SYCP1: variants seen among roughly 807,000 people sequenced by gnomAD.
SYCP1 encodes synaptonemal complex protein 1.
SYCP1 carries 64 observed loss-of-function variants against 153.1 expected under a neutral mutation model. The ratio of observed to expected loss-of-function variants is 0.42; its 90% CI spans 0.34 to 0.51. The LOEUF (loss-of-function observed/expected upper bound fraction) is 0.51, where lower values mean the gene tolerates loss of function less well. Ranked by LOEUF, SYCP1 falls within the 20% of genes least tolerant of loss-of-function variation. SYCP1 has a pLI of 0.06. For missense variants in SYCP1, 997 were observed against 1,049.0 expected, an observed-to-expected ratio of 0.95 and a Z score of 0.68; for synonymous variants, 384 against 341.8, an observed-to-expected ratio of 1.12 and a Z score of -1.36.
intron 14 of SYCP1, among the ~76,000 whole-genome samples, chr1:114,886,725 A>G (rs1231786613): frequency 6.6e-6 from 1 of 152,070 alleles, no homozygotes; most frequent in Non-Finnish European, 1.5e-5. Flanking sequence ...GGCATAGGTA[A>G]GTACTACTCT....
chr1:114,855,597 T>A, intron 2 of SYCP1, 25 bp downstream of exon 2: 2 of 1,540,262 alleles, frequency 1.3e-6, no homozygotes, highest in Non-Finnish European at 1.8e-6. Flanking sequence ...GACTCTTAAT[T>A]GGACTCTTCT....
intron 15 of SYCP1, among the ~76,000 whole-genome samples, chr1:114,889,366 T>C (rs1666538830): frequency 6.6e-6 from 1 of 152,340 alleles, no homozygotes; most frequent in African/African-American, 2.4e-5. Context: ...CAGCATCTGT[T>C]GTTTCCTGAC....
In SYCP1 at chr1:114,912,604, C is replaced by T. The variant is rs1668256046; in HGVS notation, c.1530-429C>T. Among the ~76,000 whole-genome samples, 3 of 151,700 alleles carry T rather than the reference C, an allele frequency of 2.0e-5. No homozygotes were observed. The South Asian group carries it at 6.2e-4, about 31-fold the overall frequency. On this transcript the variant is annotated intron_variant, in intron 18 of 31. Transcript: ENST00000369522. ...TTTTAGGGTACATGTGCACAACGTG[C>T]AGGTAAAAATATCTTAATTAAACAC...
intron 23 of SYCP1, among the ~76,000 whole-genome samples, chr1:114,937,476 T>A (rs1670097337): frequency 6.6e-6 from 1 of 152,294 alleles, no homozygotes; most frequent in South Asian, 2.1e-4. Flanking sequence ...ATTCAGGACA[T>A]AGGCATGGGC....
At chr1:114,891,263 C>T (rs541211705) in intron 15 of SYCP1, among the ~76,000 whole-genome samples, 18 of 152,246 alleles carry the variant, frequency 1.2e-4, no homozygotes, top group African/African-American at 4.1e-4. Flanking sequence ...GCCTGCTCTA[C>T]TCCTTGTATC....
At chr1:114,981,828 A>T (rs1673177128) in intron 29 of SYCP1, among the ~76,000 whole-genome samples, 2 of 151,992 alleles carry the variant, frequency 1.3e-5, no homozygotes, top group African/African-American at 4.8e-5. Context: ...ACTTAATGTC[A>T]TCTTGGGCAG....
At chr1:114,964,759 T>C (rs1672004877) in intron 27 of SYCP1, among the ~76,000 whole-genome samples, 1 of 152,238 alleles carries the variant, frequency 6.6e-6, no homozygotes, top group South Asian at 2.1e-4. Flanking sequence ...GCTGTTTTGG[T>C]TACTGAGCCT....
chr1:114,992,687 C>T (rs1016895026), intron 30 of SYCP1, among the ~76,000 whole-genome samples: 11 of 151,366 alleles, frequency 7.3e-5, no homozygotes, highest in South Asian at 2.1e-4. Flanking sequence ...AAACTATAGA[C>T]GAAAACACTG....
At chr1:114,901,565 C>G (rs1408398580) in intron 16 of SYCP1, among the ~76,000 whole-genome samples, 1 of 152,154 alleles carries the variant, frequency 6.6e-6, no homozygotes, top group East Asian at 1.9e-4. Context: ...AGGATTGAAC[C>G]TGGGGCCACC....
chr1:114,911,448 C>G (rs1668170686), intron 17 of SYCP1, 31 bp from the exon 18 acceptor site: 3 of 1,487,792 alleles, frequency 2.0e-6, no homozygotes, highest in East Asian at 5.3e-5. Flanking sequence ...TCGAAAAACA[C>G]TTGCCATAGT....
chr1:114,923,889 GAT>G (rs1368615781), intron 21 of SYCP1, among the ~76,000 whole-genome samples: 1 of 152,086 alleles, frequency 6.6e-6, no homozygotes, highest in Non-Finnish European at 1.5e-5. Context: ...ATCAAATTAA[GAT>G]AATAAGGTGT....
At chr1:114,970,979 C>T (rs952924245) in intron 27 of SYCP1, among the ~76,000 whole-genome samples, 4 of 152,162 alleles carry the variant, frequency 2.6e-5, no homozygotes, top group African/African-American at 9.7e-5. Context: ...TGTTGTTTTC[C>T]CCTTCCTTGG....
intron 30 of SYCP1, among the ~76,000 whole-genome samples, chr1:114,988,729 A>G (rs954819578): frequency 6.6e-6 from 1 of 152,018 alleles, no homozygotes; most frequent in African/African-American, 2.4e-5. Context: ...TCTCTGGTAA[A>G]CGTAAATACA....
chr1:114,930,699 C>A (rs1669567156), intron 23 of SYCP1, among the ~76,000 whole-genome samples: 1 of 151,802 alleles, frequency 6.6e-6, no homozygotes, highest in Non-Finnish European at 1.5e-5. Flanking sequence ...TAATACCAGT[C>A]TTCCACAAAA....
intron 2 of SYCP1, among the ~76,000 whole-genome samples, chr1:114,856,260 AT>A (rs1214729405): frequency 2.0e-5 from 3 of 152,228 alleles, no homozygotes; most frequent in African/African-American, 7.2e-5. Context: ...AAGGGAAATC[AT>A]AAACTGAAGA....
chr1:114,911,123 G>T (rs1040107197), intron 17 of SYCP1, among the ~76,000 whole-genome samples: 3 of 151,560 alleles, frequency 2.0e-5, no homozygotes, highest in Non-Finnish European at 2.9e-5. Context: ...ATAATAATAA[G>T]AACATTTTAG....
At chr1:114,970,171 T>C (rs1271363964) in intron 27 of SYCP1, among the ~76,000 whole-genome samples, 1 of 152,198 alleles carries the variant, frequency 6.6e-6, no homozygotes, top group Non-Finnish European at 1.5e-5. Flanking sequence ...CTTTGAGCTC[T>C]AAAGTCTTTT....
intron 25 of SYCP1, among the ~76,000 whole-genome samples, 179 bp downstream of exon 25, chr1:114,945,161 A>G (rs564312321): frequency 2.0e-5 from 3 of 152,078 alleles, no homozygotes; most frequent in Non-Finnish European, 4.4e-5. Context: ...TCTTAACCAT[A>G]CAAAGTTGAG....
chr1:114,930,692 T>C (rs1028895956), intron 23 of SYCP1, among the ~76,000 whole-genome samples: 3 of 151,874 alleles, frequency 2.0e-5, no homozygotes, highest in African/African-American at 7.2e-5. Flanking sequence ...GAAGAAATAA[T>C]ACCAGTCTTC....
Sources: allele counts gnomAD v4.1 joint callset (sites outside exome capture counted in the v4.1 genomes callset), GRCh38; gene constraint gnomAD v4.1.1; transcripts MANE v1.5; gene names NCBI Gene and HGNC (gene_info 2026-07-23, HGNC 2026-07-21).